Variants in CAST observed in about 807,000 individuals in gnomAD.
The protein encoded by CAST is MIR583 host.
A neutral mutation model predicts 119.6 loss-of-function variants in CAST; 76 were observed. That is an observed-to-expected ratio of 0.64 (90% CI 0.53 to 0.77). The LOEUF is 0.77. CAST is among the 30% of genes least tolerant of loss of function. CAST has a pLI of 0.00. For missense variants in CAST, 953 were observed against 946.5 expected (o/e 1.01, Z -0.09); for synonymous variants, 319 against 331.6 (o/e 0.96, Z 0.41).
At chr5:96,381,310 T>C in the CAST span, among the ~76,000 whole-genome samples, 1 of 152,166 alleles carries the variant, frequency 6.6e-6, no homozygotes, top group African/African-American at 2.4e-5. Flanking sequence ...AGATATTTAA[T>C]TTTTTCCATT....
the CAST span, among the ~76,000 whole-genome samples, chr5:96,127,038 G>A: frequency 7.2e-5 from 11 of 152,018 alleles, 1 homozygote; most frequent in East Asian, 1.3e-3. Flanking sequence ...CCAAATCTTC[G>A]TTGGCAATGG....
chr5:96,413,128 C>T, the CAST span: 1 of 166,410 alleles, frequency 6.0e-6, no homozygotes, highest in South Asian at 1.9e-4. Flanking sequence ...AGAGGCCATC[C>T]TTTCATGTGT....
At chr5:96,625,864 G>A (rs191415653) in intron 1 of CAST, among the ~76,000 whole-genome samples, 2 of 152,046 alleles carry the variant, frequency 1.3e-5, no homozygotes, top group Admixed American at 1.3e-4. Flanking sequence ...AGCAGTGCAG[G>A]CCTATCCCTG....
At chr5:95,971,524 T>C in the CAST span, among the ~76,000 whole-genome samples, 3 of 152,360 alleles carry the variant, frequency 2.0e-5, no homozygotes, top group African/African-American at 7.2e-5. Flanking sequence ...ATATATTTTA[T>C]ATCAAAAATT....
the CAST span, among the ~76,000 whole-genome samples, chr5:96,332,778 C>T: frequency 6.6e-6 from 1 of 152,196 alleles, no homozygotes; most frequent in Admixed American, 6.5e-5. Context: ...ACCTGCCGAG[C>T]TGTCCCACGC....
chr5:96,666,416 A>G (rs986881523), intron 1 of CAST, among the ~76,000 whole-genome samples: 9 of 152,230 alleles, frequency 5.9e-5, no homozygotes, highest in Admixed American at 6.5e-5. Flanking sequence ...TATGTTAATT[A>G]AAGGTGTTTC....
the CAST span, among the ~76,000 whole-genome samples, chr5:96,103,789 A>G: frequency 6.6e-6 from 1 of 151,914 alleles, no homozygotes; most frequent in Non-Finnish European, 1.5e-5. Context: ...GACTTCCACA[A>G]TGGTTGAACT....
the CAST span, among the ~76,000 whole-genome samples, chr5:96,295,454 T>A: frequency 6.6e-6 from 1 of 152,178 alleles, no homozygotes; most frequent in Non-Finnish European, 1.5e-5. Flanking sequence ...ACATTGACAG[T>A]GGTAAACAAA....
At chr5:96,129,886 G>GT in the CAST span, among the ~76,000 whole-genome samples, 4 of 151,746 alleles carry the variant, frequency 2.6e-5, no homozygotes, top group African/African-American at 7.3e-5. Flanking sequence ...GATTACCTTT[G>GT]TTTTTTTACC....
chr5:96,673,150 A>T (rs548622484), intron 1 of CAST, among the ~76,000 whole-genome samples: 4 of 152,348 alleles, frequency 2.6e-5, no homozygotes, highest in African/African-American at 9.6e-5. Context: ...AGTGGCTATT[A>T]TTATTACTTA....
At chr5:96,487,667 T>C in the CAST span, among the ~76,000 whole-genome samples, 11 of 152,352 alleles carry the variant, frequency 7.2e-5, no homozygotes, top group South Asian at 2.3e-3. Flanking sequence ...TGGCCTCTCC[T>C]TGTGACATTT....
intron 3 of CAST, among the ~76,000 whole-genome samples, chr5:96,714,299 A>AAG (rs1159525162): frequency 6.6e-6 from 1 of 152,214 alleles, no homozygotes; most frequent in East Asian, 1.9e-4. Context: ...CATGCTCTTA[A>AAG]CCTCTGTGTT....
chr5:96,048,387 C>T, the CAST span, among the ~76,000 whole-genome samples: 1 of 152,018 alleles, frequency 6.6e-6, no homozygotes, highest in Non-Finnish European at 1.5e-5. Flanking sequence ...TAGGTGGCTT[C>T]AAGAGATAAT....
rs146713523 is a variant in CAST at position 96,586,329 on chromosome 5, T to C, written c.60+56449T>C. Among the ~76,000 whole-genome samples, 181 of 152,328 alleles carry C rather than the reference T, an allele frequency of 1.2e-3. 1 individual carries two copies. Among genetic ancestry groups the C allele is most frequent in the African/African-American group, 4.2e-3 (176 of 41,574 alleles). ...TCTTCGTTTTGTTTAAATGGGGTTT[T>C]AAAGGTCCAGGGAAATAATTTTTTC... On this transcript the variant is annotated intron_variant, in intron 1 of 11. Transcript: ENST00000505143.
At chr5:96,729,400 A>G (rs981694007) in intron 7 of CAST, among the ~76,000 whole-genome samples, 191 bp downstream of exon 7, 6 of 152,238 alleles carry the variant, frequency 3.9e-5, no homozygotes, top group African/African-American at 1.4e-4. Context: ...TTTTGGGGGA[A>G]GGATTTGCAC....
At chr5:96,374,004 T>C in the CAST span, among the ~76,000 whole-genome samples, 1 of 152,184 alleles carries the variant, frequency 6.6e-6, no homozygotes, top group Non-Finnish European at 1.5e-5. Flanking sequence ...CTGTTCTGAT[T>C]GCGGGCAGCA....
chr5:96,682,588 C>T (rs1244524165), intron 2 of CAST, among the ~76,000 whole-genome samples: 1 of 152,050 alleles, frequency 6.6e-6, no homozygotes, highest in Non-Finnish European at 1.5e-5. Flanking sequence ...CTGCCTTTCT[C>T]TGTGGTGGTT....
At chr5:95,987,179 A>G in the CAST span, among the ~76,000 whole-genome samples, 1 of 152,156 alleles carries the variant, frequency 6.6e-6, no homozygotes, top group Non-Finnish European at 1.5e-5. Flanking sequence ...CCTGGGCCCC[A>G]GTCTCAGCTC....
the CAST span, among the ~76,000 whole-genome samples, chr5:96,317,174 G>GA: frequency 6.6e-6 from 1 of 151,918 alleles, no homozygotes; most frequent in Non-Finnish European, 1.5e-5. Flanking sequence ...TTATAAAGGT[G>GA]TCATCCTGGC....
Sources: gnomAD v4.1 joint callset for allele counts (sites outside exome capture counted in the v4.1 genomes callset) on GRCh38, gnomAD v4.1.1 for gene constraint, MANE v1.5 for transcripts, NCBI Gene and HGNC (gene_info 2026-07-23, HGNC 2026-07-21) for gene names.